Variants in SANBR observed in about 807,000 individuals in gnomAD.
SANBR encodes SANT and BTB domain regulator of CSR.
A neutral mutation model predicts 101.8 loss-of-function variants in SANBR; 77 were observed. The ratio of observed to expected loss-of-function variants is 0.76; its 90% CI spans 0.63 to 0.91. The LOEUF (loss-of-function observed/expected upper bound fraction) is 0.91, where lower values mean the gene tolerates loss of function less well. SANBR is among the 40% of genes least tolerant of loss of function. The probability of loss-of-function intolerance (pLI) is 0.00; values close to 1 mark genes in which losing one functional copy is unlikely to be tolerated. For missense variants in SANBR, 875 were observed against 853.0 expected (o/e 1.03, Z -0.32); for synonymous variants, 279 against 274.7 (o/e 1.02, Z -0.15).
chr2:61,071,797 G>A lies in SANBR; in HGVS notation c.337+5G>A, dbSNP rs145438802. 2 of 1,570,830 alleles carry A rather than the reference G, an allele frequency of 1.3e-6. No homozygotes were observed. Among genetic ancestry groups the A allele is most frequent in the Non-Finnish European group, 8.7e-7 (1 of 1,156,044 alleles). ...ATGATGCAGTTTCCAAAACTGGTAA[G>A]GTTTTAAACTAAAATGTAGTACTTG... On this transcript the variant is annotated splice_donor_5th_base_variant and intron_variant, in intron 4 of 21. Coordinates refer to ENST00000402291, the MANE Select transcript of SANBR (RefSeq NM_001129993.3).
rs1320590122 is a variant in SANBR at position 61,123,693 on chromosome 2, T to C, written c.*1531T>C. ...ATAAGGAAAAAATATATATGCTCTT[T>C]TGATTTTTAACTGATGGTAAAAAGG... On this transcript the variant is annotated 3_prime_UTR_variant, in exon 22 of 22. Transcript: ENST00000402291. 4.1e-6 allele frequency: 4 copies of C among 985,200 alleles called. No homozygotes were observed. Among genetic ancestry groups the C allele is most frequent in the Non-Finnish European group, 3.6e-6 (3 of 829,698 alleles). 61.0% of individuals were successfully genotyped at this position (985,200 alleles called of 1,614,324 possible).
intron 20 of SANBR, among the ~76,000 whole-genome samples, chr2:61,129,912 G>A (rs533246513): frequency 1.3e-5 from 2 of 151,774 alleles, no homozygotes; most frequent in South Asian, 4.2e-4. Flanking sequence ...AAGTATAAAA[G>A]TAAAATTATA....
rs1683099533 is a variant in SANBR at position 61,097,790 on chromosome 2, A to C, written c.1303A>C (p.Thr435Pro). ...TAASSLNTVG[T>P]GIYPCCNQKV... The stretch of plus-strand genomic sequence containing the variant: ...AGCAAGTTCATTGAATACTGTTGGC[A>C]CTGGAATTTATCCCTGCTGTAACCA... The change falls in exon 12 of 22, where the codon ACT becomes CCT. Residue 435 changes from threonine (T) to proline (P), a missense_variant. Coordinates refer to ENST00000402291, the MANE Select transcript of SANBR (RefSeq NM_001129993.3). The C allele has an allele frequency of 6.2e-7, 1 of 1,613,510 alleles. No individual in the cohort carries two copies. The highest frequency in any genetic ancestry group is 8.5e-7 in the Non-Finnish European group (1 of 1,179,614).
chr2:61,105,733 G>T (rs1683529723), intron 13 of SANBR, among the ~76,000 whole-genome samples: 1 of 144,242 alleles, frequency 6.9e-6, no homozygotes, highest in African/African-American at 2.6e-5. Flanking sequence ...GTGCAGTGGT[G>T]CGATCTCAGC....
rs560479115 is a variant in SANBR, at chr2:61,100,899, G to A, written c.1366-2954G>A. ...ACTCTCTCCAGTAACCCTTGTCTGC[G>A]TGAGTACAGGCAGGGAGAAGATGGG... On this transcript the variant is annotated intron_variant, in intron 12 of 21. Coordinates refer to ENST00000402291, the MANE Select transcript of SANBR (RefSeq NM_001129993.3). Among the ~76,000 whole-genome samples, 9 of 152,256 alleles carry A rather than the reference G, an allele frequency of 5.9e-5. No individual in the cohort carries two copies. The South Asian group carries it at 1.0e-3, about 18-fold the overall frequency.
chr2:61,072,657 T>G (rs1486206612), intron 4 of SANBR, among the ~76,000 whole-genome samples: 2 of 152,030 alleles, frequency 1.3e-5, no homozygotes, highest in African/African-American at 2.4e-5. Flanking sequence ...AAAACCCACT[T>G]TACTGTATCA....
chr2:61,096,510 T>G (rs895591204), intron 11 of SANBR, among the ~76,000 whole-genome samples: 3 of 152,186 alleles, frequency 2.0e-5, no homozygotes, highest in Non-Finnish European at 4.4e-5. Flanking sequence ...AGTCCAGTGG[T>G]CTTCCCCATC....
At chr2:61,066,893 A>C (rs1435287269) in intron 1 of SANBR, among the ~76,000 whole-genome samples, 3 of 152,118 alleles carry the variant, frequency 2.0e-5, no homozygotes, top group Non-Finnish European at 4.4e-5. Context: ...AGTCTGTTAA[A>C]CATATTGGAT....
rs982928752 is a variant in SANBR, at chr2:61,104,302, G to A, written c.1511+304G>A. 2.0e-5 allele frequency among the ~76,000 whole-genome samples: 3 copies of A among 152,112 alleles called. No homozygotes were observed. The Middle Eastern group carries it at 0.01, about 517-fold the overall frequency. ...TCGAGAGCATCCTGGCTAACACAGT[G>A]AAACCCCATCTCTACTAAAACTACA... On this transcript the variant is annotated intron_variant, in intron 13 of 21. Coordinates refer to ENST00000402291, the MANE Select transcript of SANBR (RefSeq NM_001129993.3).
At chr2:61,095,990 A>G (rs1683013176) in intron 11 of SANBR, among the ~76,000 whole-genome samples, 1 of 151,962 alleles carries the variant, frequency 6.6e-6, no homozygotes, top group South Asian at 2.1e-4. Flanking sequence ...CTTAGGATAT[A>G]CCACCACCGC....
intron 3 of SANBR, 50 bp from the exon 4 acceptor site, chr2:61,071,549 CAAAAAAA>C: frequency 1.1e-6 from 1 of 942,888 alleles, no homozygotes; most frequent in South Asian, 2.2e-5. Context: ...GACTCCGTCT[CAAAAAAA>C]AAAAAAAAAA....
In SANBR at chr2:61,121,170, T is replaced by C; in HGVS notation, c.2029-15T>C. 1 of 1,535,476 alleles carries C rather than the reference T, an allele frequency of 6.5e-7. No homozygotes were observed. Among genetic ancestry groups the C allele is most frequent in the Non-Finnish European group, 8.8e-7 (1 of 1,132,634 alleles). On this transcript the variant is annotated splice_polypyrimidine_tract_variant and intron_variant, in intron 20 of 21. Transcript: ENST00000402291. ...GATTCTGTGAAGATAACAGTATTGCTTCTTTATTCTGCAGTTTGCAGGAGG... is the reference window on the plus strand; with the variant it reads ...GATTCTGTGAAGATAACAGTATTGCCTCTTTATTCTGCAGTTTGCAGGAGG...
intron 1 of SANBR, among the ~76,000 whole-genome samples, chr2:61,067,538 C>T (rs985330815): frequency 9.2e-5 from 14 of 152,166 alleles, no homozygotes; most frequent in Admixed American, 3.3e-4. Flanking sequence ...GAGATCGAGA[C>T]TATCCTGGCC....
Position 61,106,599 on chromosome 2 carries a change from A to C in SANBR, c.1548A>C (p.Ile516=). The part of the protein sequence containing the change: ...VGVGLCDEKG[I]ECDVLLEPNT... Reference sequence around the variant, plus strand: ...TTGGCCTCTGTGATGAAAAGGGTATAGAATGTGATGTTTTACTGGAGCCAA... The same window carrying C: ...TTGGCCTCTGTGATGAAAAGGGTATCGAATGTGATGTTTTACTGGAGCCAA... Residue 516 remains isoleucine, a synonymous_variant, in exon 14 of 22, where the codon ATA becomes ATC. Coordinates refer to ENST00000402291, the MANE Select transcript of SANBR (RefSeq NM_001129993.3). 2 of 1,603,268 alleles carry C rather than the reference A, an allele frequency of 1.2e-6. No individual in the cohort carries two copies. Among genetic ancestry groups the C allele is most frequent in the Non-Finnish European group, 1.7e-6 (2 of 1,176,654 alleles).
intron 11 of SANBR, among the ~76,000 whole-genome samples, chr2:61,093,808 A>C (rs1029171256): frequency 6.6e-6 from 1 of 152,186 alleles, no homozygotes; most frequent in Admixed American, 6.6e-5. Flanking sequence ...GTTCCCAAAA[A>C]GTTTTTGTTT....
At position 61,081,506 on chromosome 2, in the gene SANBR, C is replaced by A; in HGVS notation, c.725C>A (p.Ser242Ter). 1 of 1,561,794 alleles carries A rather than the reference C, an allele frequency of 6.4e-7. No homozygotes were observed. Among genetic ancestry groups the A allele is most frequent in the Non-Finnish European group, 8.6e-7 (1 of 1,158,664 alleles). The change falls in exon 7 of 22, where the codon TCA becomes TAA. Residue 242 changes from serine to a stop codon, truncating the protein, a stop_gained. Coordinates refer to ENST00000402291, the MANE Select transcript of SANBR (RefSeq NM_001129993.3). LOFTEE classifies it high-confidence loss of function. ...TCTTCGGAGTTTTTAAAAATGGATTCACTAGTAAGTATTGACTTAAAAAAA... is the reference window on the plus strand; with the variant it reads ...TCTTCGGAGTTTTTAAAAATGGATTAACTAGTAAGTATTGACTTAAAAAAA... ...LISSEFLKMD[S>*]LVEQCIQYCH...
At chr2:61,138,028 A>G (rs891878700) in exon 22 of SANBR, 1 of 152,190 alleles carries the variant, frequency 6.6e-6, no homozygotes, top group Non-Finnish European at 1.5e-5. Context: ...TTTCTTGTCT[A>G]TGGACATTGA....
chr2:61,088,969 T>G (rs1250501237), intron 10 of SANBR: 1 of 888,632 alleles, frequency 1.1e-6, no homozygotes, highest in Non-Finnish European at 1.3e-6. Context: ...TTTTATTTAC[T>G]GGGTAAGTGT....
chr2:61,110,176 A>G (rs142235128), intron 16 of SANBR, among the ~76,000 whole-genome samples: 1 of 152,166 alleles, frequency 6.6e-6, no homozygotes, highest in Non-Finnish European at 1.5e-5. Flanking sequence ...CTCTTAGTAT[A>G]AGGTTTTTGA....
Sources: allele counts gnomAD v4.1 joint callset (sites outside exome capture counted in the v4.1 genomes callset), GRCh38; gene constraint gnomAD v4.1.1; transcripts MANE v1.5; gene names NCBI Gene and HGNC (gene_info 2026-07-23, HGNC 2026-07-21).